Variants in SLC37A1 observed in about 807,000 individuals in gnomAD.
The protein encoded by SLC37A1 is solute carrier family 37 member 1.
A neutral mutation model predicts 75.3 loss-of-function variants in SLC37A1; 49 were observed. That is an observed-to-expected ratio of 0.65 (90% CI 0.52 to 0.83). SLC37A1 has a LOEUF of 0.83. Among genes scored for constraint, SLC37A1 ranks in the 40% least tolerant of loss-of-function variants. The pLI is 0.00. For missense variants in SLC37A1, 566 were observed against 695.0 expected, an observed-to-expected ratio of 0.81 and a Z score of 2.09; for synonymous variants, 268 against 292.1, an observed-to-expected ratio of 0.92 and a Z score of 0.84.
upstream of SLC37A1, among the ~76,000 whole-genome samples, chr21:42,510,343 G>A (rs1440638648): frequency 6.6e-6 from 1 of 152,016 alleles, no homozygotes; most frequent in African/African-American, 2.4e-5. Flanking sequence ...TATTATATAA[G>A]CATCATAGTG....
Position 42,562,107 on chromosome 21 carries a change from G to A in SLC37A1, c.1011G>A (p.Leu337=). ...PGVIEFSLCL[L]FAKLVSYTFL... ...TGATAGAGTTCTCACTGTGTCTGCT[G>A]TTTGCCAAGCTGGTCAGCTATACTT... is the stretch of plus-strand genomic sequence containing the variant. Residue 337 remains leucine (L), a synonymous_variant, in exon 12 of 20, where the codon CTG becomes CTA. Coordinates refer to ENST00000352133, the MANE Select transcript of SLC37A1 (RefSeq NM_001320537.2). The A allele has an allele frequency of 5.6e-6, 9 of 1,614,224 alleles. No individual in the cohort carries two copies. The highest frequency in any genetic ancestry group is 7.6e-6 in the Non-Finnish European group (9 of 1,180,038).
At chr21:42,544,508 T>C (rs189071480) in intron 8 of SLC37A1, among the ~76,000 whole-genome samples, 366 of 152,366 alleles carry the variant, frequency 2.4e-3, no homozygotes, top group Non-Finnish European at 3.1e-3. Flanking sequence ...CACCCCATGC[T>C]TCTGTGTTGG....
Position 42,552,080 on chromosome 21 carries a change from T to G in SLC37A1, c.769-1982T>G, listed in dbSNP as rs2055573152. On this transcript the variant is annotated intron_variant, in intron 9 of 19. Transcript: ENST00000352133. This position sits in a 1 kb window ranked among gnomAD's most constrained non-coding sequence, Gnocchi z 4.2. ...ATATGAAAGAGAGTATTCAATTCTTTACCATTTGCCTTGAGTCTGAGGGTG... is the reference window on the plus strand; with the variant it reads ...ATATGAAAGAGAGTATTCAATTCTTGACCATTTGCCTTGAGTCTGAGGGTG... 6.6e-6 allele frequency among the ~76,000 whole-genome samples: 1 copy of G among 152,222 alleles called. No individual in the cohort carries two copies. Among genetic ancestry groups the G allele is most frequent in the African/African-American group, 2.4e-5 (1 of 41,454 alleles).
Position 42,554,896 on chromosome 21 carries a change from C to T in SLC37A1, c.849+754C>T, listed in dbSNP as rs148290230. On this transcript the variant is annotated intron_variant, in intron 10 of 19. Coordinates refer to ENST00000352133, the MANE Select transcript of SLC37A1 (RefSeq NM_001320537.2). ...CTTAGCTGACCACACCAAGCTGCAGCGGGCATTTTAAATTTGAGTTTAATC... is the reference window on the plus strand; with the variant it reads ...CTTAGCTGACCACACCAAGCTGCAGTGGGCATTTTAAATTTGAGTTTAATC... Among the ~76,000 whole-genome samples, 1,506 of 151,650 alleles carry T rather than the reference C, an allele frequency of 9.9e-3. 20 individuals are homozygous for T. The highest frequency in any genetic ancestry group is 0.034 in the Middle Eastern group (10 of 294).
At chr21:42,575,230 C>T in intron 18 of SLC37A1, 6 of 983,700 alleles carry the variant, frequency 6.1e-6, no homozygotes, top group Non-Finnish European at 7.2e-6. Context: ...AACCTCTGCT[C>T]CACAGTTTCC....
At chr21:42,541,637 C>T (rs1319166764) in intron 6 of SLC37A1, among the ~76,000 whole-genome samples, 1 of 152,254 alleles carries the variant, frequency 6.6e-6, no homozygotes, top group Non-Finnish European at 1.5e-5. Context: ...ACAGTACCTT[C>T]TCCATGGCAT....
chr21:42,530,621 C>G, intron 3 of SLC37A1, among the ~76,000 whole-genome samples: 1 of 86,086 alleles, frequency 1.2e-5, no homozygotes, highest in African/African-American at 4.2e-5. Flanking sequence ...CACACACACA[C>G]ACACACACAC....
chr21:42,518,197 G>A (rs2054559606), intron 1 of SLC37A1, 80 bp from the exon 2 acceptor site: 2 of 506,056 alleles, frequency 4.0e-6, no homozygotes, highest in Admixed American at 3.1e-5. Flanking sequence ...TACTGTACGT[G>A]TGTGGTTACT....
At chr21:42,567,223 C>G (rs958622981) in intron 16 of SLC37A1, among the ~76,000 whole-genome samples, 165 bp downstream of exon 16, 17 of 152,270 alleles carry the variant, frequency 1.1e-4, no homozygotes, top group African/African-American at 3.9e-4. Flanking sequence ...TGCCCCGCTG[C>G]TCACCCTTCT....
chr21:42,570,167 G>A lies in SLC37A1; in HGVS notation c.1423+1729G>A, dbSNP rs1393755019. ...CCTGGTTCTGAGAAGCGGCGGGCAGGGTGGCCATTGCCATGTGACACATGG... is the reference window on the plus strand; with the variant it reads ...CCTGGTTCTGAGAAGCGGCGGGCAGAGTGGCCATTGCCATGTGACACATGG... On this transcript the variant is annotated intron_variant, in intron 17 of 19. Coordinates refer to ENST00000352133, the MANE Select transcript of SLC37A1 (RefSeq NM_001320537.2). Among the ~76,000 whole-genome samples the A allele has an allele frequency of 7.5e-5, 8 of 106,830 alleles. 1 individual carries two copies. The highest frequency in any genetic ancestry group is 2.7e-4 in the African/African-American group (8 of 29,250). The allele number at this position is 106,830 out of a possible 152,430, so 70.1% of individuals were successfully genotyped here. A position where few individuals can be genotyped will look rare whatever the true frequency, so the allele number is the denominator to read the frequency against.
chr21:42,512,940 C>T (rs1432967586), upstream of SLC37A1, among the ~76,000 whole-genome samples: 1 of 152,244 alleles, frequency 6.6e-6, no homozygotes, highest in African/African-American at 2.4e-5. Context: ...GGAAGCTCAA[C>T]GTGCCTGGGG....
At chr21:42,554,177 C>G in intron 10 of SLC37A1, 35 bp downstream of exon 10, 1 of 1,596,552 alleles carries the variant, frequency 6.3e-7, no homozygotes, top group South Asian at 1.1e-5. Context: ...CCTAGAATGT[C>G]GGAGCTGCAG....
At chr21:42,532,746 C>A (rs1250217217) in intron 3 of SLC37A1, among the ~76,000 whole-genome samples, 1 of 152,056 alleles carries the variant, frequency 6.6e-6, no homozygotes, top group African/African-American at 2.4e-5. Context: ...CCAGGGGGAC[C>A]CAAGCAGTTG....
chr21:42,510,185 G>A (rs986623608), upstream of SLC37A1, among the ~76,000 whole-genome samples: 2 of 152,064 alleles, frequency 1.3e-5, no homozygotes, highest in African/African-American at 2.4e-5. Flanking sequence ...ACACTACCAC[G>A]CCCAGCTAAT....
At position 42,527,907 on chromosome 21, in the gene SLC37A1, T is replaced by G. The variant is rs1601682872; in HGVS notation, c.138+2050T>G. ...CAAAACTAAACTTTATAGTGCCTTCTGAAGCGCCCGTGTGCTTGAGCTCAT... is the reference window on the plus strand; with the variant it reads ...CAAAACTAAACTTTATAGTGCCTTCGGAAGCGCCCGTGTGCTTGAGCTCAT... On this transcript the variant is annotated intron_variant, in intron 3 of 19. Transcript: ENST00000352133. Among the ~76,000 whole-genome samples the G allele has an allele frequency of 2.0e-5, 3 of 152,296 alleles. No homozygotes were observed. The South Asian group carries it at 6.2e-4, about 32-fold the overall frequency.
At position 42,518,301 on chromosome 21, in the gene SLC37A1, A is replaced by C; in HGVS notation, c.-154A>C. 1.2e-6 allele frequency: 1 copy of C among 837,066 alleles called. No homozygotes were observed. The highest frequency in any genetic ancestry group is 1.9e-6 in the Non-Finnish European group (1 of 514,294). 51.9% of individuals were successfully genotyped at this position (837,066 alleles called of 1,614,324 possible). ...GAGAGCAGAGCCACTGCCAGAAGGAAGGGGACAAGACCCAGCAGGACACCT... is the reference window on the plus strand; with the variant it reads ...GAGAGCAGAGCCACTGCCAGAAGGACGGGGACAAGACCCAGCAGGACACCT... On this transcript the variant is annotated 5_prime_UTR_variant, in exon 2 of 20. Transcript: ENST00000352133.
chr21:42,565,472 G>T (rs561326371), intron 14 of SLC37A1, among the ~76,000 whole-genome samples: 3 of 152,354 alleles, frequency 2.0e-5, no homozygotes, highest in Non-Finnish European at 4.4e-5. Flanking sequence ...GCTGCCACTG[G>T]GGGGTGGGCA....
Position 42,554,051 on chromosome 21 carries a change from T to C in SLC37A1, c.769-11T>C. 1 of 1,601,892 alleles carries C rather than the reference T, an allele frequency of 6.2e-7. No individual in the cohort carries two copies. The highest frequency in any genetic ancestry group is 8.5e-7 in the Non-Finnish European group (1 of 1,174,904). On this transcript the variant is annotated splice_polypyrimidine_tract_variant and intron_variant, in intron 9 of 19. Coordinates refer to ENST00000352133, the MANE Select transcript of SLC37A1 (RefSeq NM_001320537.2). ...TCAGTATCGCTCTAATGAAACTTTT[T>C]TTTTTACCAGCACTCAAAAGGCTAT...
chr21:42,534,079 G>C (rs538455273), intron 3 of SLC37A1, among the ~76,000 whole-genome samples: 2 of 152,274 alleles, frequency 1.3e-5, no homozygotes, highest in South Asian at 4.1e-4. Context: ...ACCCTTTCTG[G>C]CTCCCAGACA....
Sources: allele counts gnomAD v4.1 joint callset (sites outside exome capture counted in the v4.1 genomes callset), GRCh38; gene constraint gnomAD v4.1.1; non-coding constraint Gnocchi (gnomAD v3.1); transcripts MANE v1.5; gene names NCBI Gene and HGNC (gene_info 2026-07-23, HGNC 2026-07-21).